Variants in ENPP6 observed in about 807,000 individuals in gnomAD.
The protein encoded by ENPP6 is ectonucleotide pyrophosphatase/phosphodiesterase 6.
Under a neutral mutation model 42.0 loss-of-function variants are expected in ENPP6, and 32 were observed. The ratio of observed to expected loss-of-function variants is 0.76; its 90% CI spans 0.58 to 1.02. The LOEUF is 1.02. ENPP6 is among the 50% of genes least tolerant of loss of function. The pLI is 0.00. For missense variants in ENPP6, 552 were observed against 566.8 expected, an observed-to-expected ratio of 0.97 and a Z score of 0.27; for synonymous variants, 213 against 216.0, an observed-to-expected ratio of 0.99 and a Z score of 0.12.
chr4:184,147,401 G>A (rs577317047), intron 2 of ENPP6, among the ~76,000 whole-genome samples: 13 of 151,922 alleles, frequency 8.6e-5, no homozygotes, highest in Admixed American at 1.3e-4. Context: ...GGCTGCAGCC[G>A]GAGTAGTGCT....
chr4:184,114,993 A>G (rs967766357), intron 5 of ENPP6, among the ~76,000 whole-genome samples: 1 of 151,974 alleles, frequency 6.6e-6, no homozygotes, highest in African/African-American at 2.4e-5. Context: ...GTGTTCCTCA[A>G]CCCCAAACAG....
At chr4:184,113,195 A>T (rs1348517127) in intron 5 of ENPP6, among the ~76,000 whole-genome samples, 1 of 152,236 alleles carries the variant, frequency 6.6e-6, no homozygotes, top group African/African-American at 2.4e-5. Context: ...AGCACTGAAG[A>T]TGAATGAATT....
chr4:184,147,374 T>C (rs1264983081), intron 2 of ENPP6, among the ~76,000 whole-genome samples: 1 of 152,208 alleles, frequency 6.6e-6, no homozygotes, highest in African/African-American at 2.4e-5. Context: ...CCACCCTGGA[T>C]GTCTCCATTC....
intron 1 of ENPP6, among the ~76,000 whole-genome samples, chr4:184,209,175 G>A (rs911352219): frequency 1.3e-5 from 2 of 151,760 alleles, no homozygotes; most frequent in Non-Finnish European, 2.9e-5. Context: ...AAAAAGCAGA[G>A]CGCCTCTCCT....
rs549866436 is a variant in ENPP6 at position 184,187,224 on chromosome 4, T to A, written c.241+30355A>T. The stretch of plus-strand genomic sequence containing the variant: ...TGGGAATCCTCAAGCTGGGCCAAGG[T>A]CACCTGTTAGAGGAAAAGGCCTGCA... On this transcript the variant is annotated intron_variant, in intron 1 of 7. Transcript: ENST00000296741. Among the ~76,000 whole-genome samples, 190 of 152,282 alleles carry A rather than the reference T, an allele frequency of 1.2e-3. 1 individual carries two copies. Among genetic ancestry groups the A allele is most frequent in the Admixed American group, 0.012 (177 of 15,302 alleles).
chr4:184,186,723 A>G (rs866814467), intron 1 of ENPP6, among the ~76,000 whole-genome samples: 1 of 152,170 alleles, frequency 6.6e-6, no homozygotes. Flanking sequence ...GGAAGGGTAG[A>G]GGATGACATC....
chr4:184,122,407 C>T lies in ENPP6; in HGVS notation c.533+1754G>A, dbSNP rs189985999. Among the ~76,000 whole-genome samples the T allele has an allele frequency of 5.0e-4, 71 of 142,926 alleles. No homozygotes were observed. The East Asian group carries it at 0.013, about 25-fold the overall frequency. 93.8% of individuals were successfully genotyped at this position (142,926 alleles called of 152,430 possible). A position where few individuals can be genotyped will look rare whatever the true frequency, so the allele number is the denominator to read the frequency against. On this transcript the variant is annotated intron_variant, in intron 3 of 7. Transcript: ENST00000296741. ...CCTATGGTAGACACACACTCATACA[C>T]CACCACCACCACCACCACCACCACC... is the stretch of plus-strand genomic sequence containing the variant.
At chr4:184,159,951 T>G (rs1279536426) in intron 1 of ENPP6, among the ~76,000 whole-genome samples, 1 of 152,254 alleles carries the variant, frequency 6.6e-6, no homozygotes, top group Admixed American at 6.5e-5. Flanking sequence ...TGACCTCCAG[T>G]TGCATCCAAG....
chr4:184,149,392 C>A (rs1340747758), intron 2 of ENPP6, among the ~76,000 whole-genome samples: 1 of 152,244 alleles, frequency 6.6e-6, no homozygotes, highest in Non-Finnish European at 1.5e-5. Flanking sequence ...CAGATGATGT[C>A]ACCTTGATTG....
At chr4:184,133,391 A>C (rs769153593) in intron 2 of ENPP6, among the ~76,000 whole-genome samples, 6 of 152,202 alleles carry the variant, frequency 3.9e-5, no homozygotes, top group Admixed American at 6.5e-5. Flanking sequence ...ATTTGAATTT[A>C]CTATAAATGG....
At chr4:184,193,752 A>G (rs1732741896) in intron 1 of ENPP6, among the ~76,000 whole-genome samples, 1 of 152,210 alleles carries the variant, frequency 6.6e-6, no homozygotes, top group African/African-American at 2.4e-5. Context: ...ATTCCCAGCT[A>G]TGTAGGCAAA....
At chr4:184,198,295 T>C (rs4862333) in intron 1 of ENPP6, among the ~76,000 whole-genome samples, 3 of 151,846 alleles carry the variant, frequency 2.0e-5, no homozygotes, top group African/African-American at 7.3e-5. Context: ...TAAGCACTGG[T>C]CCCCAACGTG....
At chr4:184,152,475 AC>A (rs1248105943) in intron 2 of ENPP6, among the ~76,000 whole-genome samples, 1 of 150,642 alleles carries the variant, frequency 6.6e-6, no homozygotes, top group Non-Finnish European at 1.5e-5. Flanking sequence ...CAGCCACTTC[AC>A]CCCATCTCCT....
At chr4:184,172,745 A>G (rs1737488887) in intron 1 of ENPP6, among the ~76,000 whole-genome samples, 1 of 152,248 alleles carries the variant, frequency 6.6e-6, no homozygotes, top group South Asian at 2.1e-4. Flanking sequence ...AGTCAAAATG[A>G]TGAAAGTGGA....
chr4:184,161,406 A>C (rs1263744701), intron 1 of ENPP6, among the ~76,000 whole-genome samples: 1 of 152,248 alleles, frequency 6.6e-6, no homozygotes, highest in Admixed American at 6.5e-5. Context: ...GGAAGTGGTG[A>C]AAATGGAACA....
chr4:184,190,438 T>C (rs565711951), intron 1 of ENPP6, among the ~76,000 whole-genome samples: 4 of 152,298 alleles, frequency 2.6e-5, no homozygotes, highest in Admixed American at 6.5e-5. Context: ...TGAGCTGATC[T>C]CCCTCATTTT....
intron 5 of ENPP6, among the ~76,000 whole-genome samples, chr4:184,114,466 C>T (rs763682780): frequency 2.6e-5 from 4 of 152,210 alleles, no homozygotes; most frequent in Non-Finnish European, 5.9e-5. Context: ...TGATTTTCTA[C>T]TTAAGGAAAT....
intron 1 of ENPP6, among the ~76,000 whole-genome samples, chr4:184,216,237 GAC>G (rs927011813): frequency 1.8e-4 from 27 of 152,352 alleles, no homozygotes; most frequent in Middle Eastern, 3.4e-3. Flanking sequence ...TGCAAGGGGA[GAC>G]ACATGCCAGG....
At chr4:184,121,846 G>T (rs1736420260) in intron 3 of ENPP6, among the ~76,000 whole-genome samples, 2 of 152,190 alleles carry the variant, frequency 1.3e-5, no homozygotes, top group Non-Finnish European at 2.9e-5. Context: ...AAAGAAAAAT[G>T]TTGACCCACA....
Sources: allele counts gnomAD v4.1 joint callset (sites outside exome capture counted in the v4.1 genomes callset), GRCh38; gene constraint gnomAD v4.1.1; transcripts MANE v1.5; gene names NCBI Gene and HGNC (gene_info 2026-07-23, HGNC 2026-07-21).